The following PREPL variants were observed in gnomAD, a reference collection of about 807,000 sequenced individuals.
PREPL encodes the protein prolyl endopeptidase-like.
A neutral mutation model predicts 70.6 loss-of-function variants in PREPL; 77 were observed. The ratio of observed to expected loss-of-function variants is 1.09; its 90% CI spans 0.91 to 1.32. The LOEUF is 1.32. PREPL is among the 40% of genes most tolerant of loss of function. The pLI is 0.00. For synonymous variants in PREPL, 315 were observed against 264.8 expected, an observed-to-expected ratio of 1.19 and a Z score of -1.84; for missense variants, 1,002 against 778.2, an observed-to-expected ratio of 1.29 and a Z score of -3.42.
intron 5 of PREPL, among the ~76,000 whole-genome samples, chr2:44,341,824 T>C (rs79754494): frequency 0.046 from 6,938 of 152,118 alleles, 509 homozygotes; most frequent in African/African-American, 0.16. Context: ...TGATACCCAA[T>C]TGAAACCATA....
chr2:44,332,740 G>A, intron 7 of PREPL, 84 bp from the exon 8 acceptor site: 1 of 1,073,740 alleles, frequency 9.3e-7, no homozygotes, highest in Middle Eastern at 2.6e-4. Context: ...CTCCAAACAA[G>A]ATGATGTGGA....
chr2:44,320,814 T>A lies in PREPL; in HGVS notation c.*542A>T, dbSNP rs988923059. 3 of 644,130 alleles carry A rather than the reference T, an allele frequency of 4.7e-6. No homozygotes were observed. The African/African-American group carries it at 5.5e-5, about 12-fold the overall frequency. 39.9% of individuals were successfully genotyped at this position (644,130 alleles called of 1,614,324 possible). On this transcript the variant is annotated 3_prime_UTR_variant, in exon 14 of 14. Transcript: ENST00000409411. ...AAATGTTTTGAAAAAAATAAAATGT[T>A]TAAAAGTAAATTATGGCTTATAGGA... is the stretch of plus-strand genomic sequence containing the variant.
chr2:44,335,852 A>G (rs1407332505), intron 7 of PREPL, among the ~76,000 whole-genome samples: 1 of 151,896 alleles, frequency 6.6e-6, no homozygotes, highest in African/African-American at 2.4e-5. Context: ...AAAACAAACA[A>G]AAACAGAAAA....
At chr2:44,339,702 T>C (rs987344068) in intron 5 of PREPL, among the ~76,000 whole-genome samples, 2 of 152,204 alleles carry the variant, frequency 1.3e-5, no homozygotes, top group African/African-American at 4.8e-5. Flanking sequence ...AATCCATCTT[T>C]ATTTGGATGC....
rs367690689 is a variant in PREPL, at chr2:44,344,538, G to A, written c.124C>T (p.Arg42Cys). The A allele has an allele frequency of 2.3e-5, 37 of 1,600,444 alleles. No individual in the cohort carries two copies. Among genetic ancestry groups the A allele is most frequent in the Middle Eastern group, 1.7e-4 (1 of 6,044 alleles). Residue 42 changes from arginine (R) to cysteine (C), a missense_variant, in exon 3 of 14, where the codon CGT becomes TGT. Transcript: ENST00000409411. ...GGTGTACCTTCTTCATCTTTGGAAC[G>A]AACCAAGCAACAACCTTCTTGGTAA... The part of the protein sequence containing the change: ...VYYQEGCCLV[R>C]SKDEEADNDN...
chr2:44,351,537 T>C (rs1404395265), intron 1 of PREPL, among the ~76,000 whole-genome samples: 1 of 150,582 alleles, frequency 6.6e-6, no homozygotes. Flanking sequence ...AACAAAACCC[T>C]GTTCTCCAGG....
At chr2:44,326,966 A>G in intron 9 of PREPL, 38 bp from the exon 10 acceptor site, 2 of 1,573,018 alleles carry the variant, frequency 1.3e-6, no homozygotes, top group African/African-American at 1.3e-5. Context: ...GTGGAAAAAA[A>G]AAGTTAATAC....
In PREPL at chr2:44,321,434, T is replaced by G. The variant is rs574404474; in HGVS notation, c.1839A>C (p.Gln613His). The change falls in exon 14 of 14, where the codon CAA becomes CAC. Residue 613 changes from glutamine (Q) to histidine (H), a missense_variant. Gln to His is a conservative substitution (Grantham distance 24). Transcript: ENST00000409411. ...CAAGTTCCTCGTACAGGAATTTAATTTGGGCTGTAATCTAAAAGAAACACA... is the reference window on the plus strand; with the variant it reads ...CAAGTTCCTCGTACAGGAATTTAATGTGGGCTGTAATCTAAAAGAAACACA... ...IEDSHKKITA[Q>H]IKFLYEELGL... The G allele has an allele frequency of 7.1e-5, 114 of 1,612,618 alleles. No individual in the cohort carries two copies. In the South Asian group the frequency reaches 1.0e-3, roughly 15 times the overall value.
chr2:44,361,155 G>A (rs1364483117), intron 1 of PREPL, among the ~76,000 whole-genome samples: 2 of 152,196 alleles, frequency 1.3e-5, no homozygotes, highest in Non-Finnish European at 2.9e-5. Context: ...GGATGGGGGT[G>A]GGGTAGATAA....
intron 2 of PREPL, 88 bp downstream of exon 2, chr2:44,346,180 G>C: frequency 7.9e-7 from 1 of 1,266,178 alleles, no homozygotes; most frequent in Non-Finnish European, 1.1e-6. Context: ...ATCTTGATGT[G>C]GACTATGTCT....
chr2:44,323,441 CAAGT>C, intron 10 of PREPL, 30 bp from the exon 11 acceptor site: 1 of 1,531,584 alleles, frequency 6.5e-7, no homozygotes, highest in East Asian at 2.3e-5. Context: ...ACTTATACTT[CAAGT>C]AAGAGGTTGG....
intron 1 of PREPL, among the ~76,000 whole-genome samples, chr2:44,356,989 A>G (rs1193648154): frequency 6.6e-6 from 1 of 152,180 alleles, no homozygotes; most frequent in Admixed American, 6.5e-5. Context: ...TCTTTTTGGT[A>G]GAGTTGGGGT....
chr2:44,331,504 C>G (rs1572863178), intron 8 of PREPL, among the ~76,000 whole-genome samples: 1 of 152,156 alleles, frequency 6.6e-6, no homozygotes, highest in East Asian at 1.9e-4. Flanking sequence ...CTGTGCCCGG[C>G]CAGCCCTACA....
chr2:44,338,401 G>C lies in PREPL; in HGVS notation c.838C>G (p.Leu280Val). The C allele has an allele frequency of 1.2e-6, 2 of 1,613,460 alleles. No homozygotes were observed. The highest frequency in any genetic ancestry group is 8.5e-7 in the Non-Finnish European group (1 of 1,179,830). Residue 280 changes from leucine to valine, a missense_variant, in exon 7 of 14, where the codon CTT (leucine) becomes GTT (valine). Leu to Val is a conservative substitution (Grantham distance 32). Coordinates refer to ENST00000409411, the MANE Select transcript of PREPL (RefSeq NM_001171613.2). ...GCCAGACCAATCACATTAACATAAA[G>C]GAGATTGCTGTGCTTCAGAAATAGA... ...CVLFLKHSNL[L>V]YVNVIGLADD...
At chr2:44,338,965 T>G (rs1393351319) in intron 6 of PREPL, among the ~76,000 whole-genome samples, 182 bp downstream of exon 6, 1 of 152,216 alleles carries the variant, frequency 6.6e-6, no homozygotes, top group African/African-American at 2.4e-5. Flanking sequence ...ATTTACTAAC[T>G]TTTTAGGCAC....
intron 8 of PREPL, among the ~76,000 whole-genome samples, chr2:44,331,358 G>A (rs994586442): frequency 6.6e-6 from 1 of 151,986 alleles, no homozygotes; most frequent in African/African-American, 2.4e-5. Flanking sequence ...GACATTACAG[G>A]CACCTGCCAC....
At chr2:44,349,556 G>C (rs1211603929) in intron 1 of PREPL, among the ~76,000 whole-genome samples, 1 of 152,110 alleles carries the variant, frequency 6.6e-6, no homozygotes, top group Non-Finnish European at 1.5e-5. Flanking sequence ...TAGAAGAAAG[G>C]TAAGAAAATT....
At chr2:44,338,084 G>A (rs1674819786) in intron 7 of PREPL, among the ~76,000 whole-genome samples, 1 of 152,144 alleles carries the variant, frequency 6.6e-6, no homozygotes, top group Admixed American at 6.5e-5. Flanking sequence ...GAGATATACA[G>A]AAAGAGAAAT....
chr2:44,336,998 C>T (rs898960181), intron 7 of PREPL, among the ~76,000 whole-genome samples: 1 of 152,158 alleles, frequency 6.6e-6, no homozygotes, highest in Non-Finnish European at 1.5e-5. Flanking sequence ...AATATGGCTG[C>T]CACTCCTCAA....
Sources: allele counts gnomAD v4.1 joint callset (sites outside exome capture counted in the v4.1 genomes callset), GRCh38; gene constraint gnomAD v4.1.1; transcripts MANE v1.5; gene names NCBI Gene and HGNC (gene_info 2026-07-23, HGNC 2026-07-21).